The following COL5A1 variants were observed in gnomAD, a reference collection of about 807,000 sequenced individuals.
The protein encoded by COL5A1 is collagen type V alpha 1 chain, also known as collagen alpha-1(V) chain.
A neutral mutation model predicts 263.7 loss-of-function variants in COL5A1; 16 were observed. That is an observed-to-expected ratio of 0.06 (90% CI 0.04 to 0.09). The LOEUF (loss-of-function observed/expected upper bound fraction) is 0.09, where lower values mean the gene tolerates loss of function less well. Among genes scored for constraint, COL5A1 ranks in the 10% least tolerant of loss-of-function variants. The pLI is 1.00. For missense variants in COL5A1, 2,036 were observed against 2,540.5 expected (o/e 0.80, Z 4.27); for synonymous variants, 1,012 against 1,004.5 (o/e 1.01, Z -0.14).
intron 64 of COL5A1, among the ~76,000 whole-genome samples, chr9:134,832,047 T>C (rs748112207): frequency 2.0e-5 from 3 of 151,970 alleles, no homozygotes; most frequent in Non-Finnish European, 4.4e-5. Context: ...GGCAGATTGC[T>C]TGAGCCCAGG....
rs964097425 is a variant in COL5A1, at chr9:134,844,324, T to C, written c.*2021T>C. 6.6e-6 allele frequency: 1 copy of C among 152,628 alleles called. No individual in the cohort carries two copies. The highest frequency in any genetic ancestry group is 1.9e-4 in the East Asian group (1 of 5,194). The allele number at this position is 152,628 out of a possible 1,614,324, so 9.5% of individuals were successfully genotyped here. A position where few individuals can be genotyped will look rare whatever the true frequency, so the allele number is the denominator to read the frequency against. ...CTTCATCTCTTCAAAAGAAAAGCCA[T>C]AGCCGAGGACTGTCCCGCGACCCCC... On this transcript the variant is annotated 3_prime_UTR_variant, in exon 66 of 66. Transcript: ENST00000371817.
In COL5A1 at chr9:134,825,285, C is replaced by T. The variant is rs1020275908; in HGVS notation, c.4954+430C>T. Among the ~76,000 whole-genome samples the T allele has an allele frequency of 3.1e-4, 47 of 152,216 alleles. 1 individual carries two copies. The highest frequency in any genetic ancestry group is 4.6e-4 in the African/African-American group (19 of 41,470). ...GCAGCAGACGCTGTGCTTGGGCAAACGGCCTTCAAACTCCGCGATACTGTA... is the reference window on the plus strand; with the variant it reads ...GCAGCAGACGCTGTGCTTGGGCAAATGGCCTTCAAACTCCGCGATACTGTA... On this transcript the variant is annotated intron_variant, in intron 62 of 65. Coordinates refer to ENST00000371817, the MANE Select transcript of COL5A1 (RefSeq NM_000093.5).
intron 4 of COL5A1, among the ~76,000 whole-genome samples, chr9:134,721,302 A>G (rs1834445149): frequency 9.5e-6 from 1 of 105,754 alleles, no homozygotes; most frequent in Admixed American, 1.2e-4. Flanking sequence ...AGGCTCCCCC[A>G]TAGTACCCCA....
intron 4 of COL5A1, among the ~76,000 whole-genome samples, chr9:134,703,109 G>A (rs964409607): frequency 9.2e-5 from 14 of 152,250 alleles, no homozygotes; most frequent in African/African-American, 3.1e-4. Flanking sequence ...GGGAGTAGGT[G>A]TGAAGGTGGT....
At chr9:134,762,601 C>T (rs1032924669) in intron 19 of COL5A1, among the ~76,000 whole-genome samples, 1 of 152,122 alleles carries the variant, frequency 6.6e-6, no homozygotes, top group Non-Finnish European at 1.5e-5. Flanking sequence ...ATGGGATGCA[C>T]GAGGCTGTGG....
intron 1 of COL5A1, 32 bp from the exon 2 acceptor site, chr9:134,690,880 T>A: frequency 6.2e-7 from 1 of 1,613,044 alleles, no homozygotes; most frequent in Non-Finnish European, 8.5e-7. Context: ...TTCCTCTCCG[T>A]GGCTAACTCT....
At chr9:134,806,149 G>T (rs2132830270) in intron 41 of COL5A1, 40 bp from the exon 42 acceptor site, 1 of 1,447,336 alleles carries the variant, frequency 6.9e-7, no homozygotes, top group African/African-American at 1.4e-5. Flanking sequence ...CACGCAGTCT[G>T]AGAGCCTTTG....
chr9:134,839,904 C>T (rs573768071), intron 65 of COL5A1, among the ~76,000 whole-genome samples: 31 of 152,368 alleles, frequency 2.0e-4, no homozygotes, highest in Admixed American at 1.3e-3. Context: ...CACCCCCAGG[C>T]GGGCTTGTGG....
At chr9:134,774,941 G>A (rs370353982) in intron 27 of COL5A1, 29 bp downstream of exon 27, 1,264 of 1,607,102 alleles carry the variant, frequency 7.9e-4, no homozygotes, top group Non-Finnish European at 9.7e-4. Flanking sequence ...ACTCCAGGTC[G>A]TCCTGGAGGT....
At chr9:134,763,885 A>G (rs995522655) in intron 20 of COL5A1, 148 bp downstream of exon 20, 64 of 797,728 alleles carry the variant, frequency 8.0e-5, no homozygotes, top group Non-Finnish European at 1.2e-4. Flanking sequence ...GGCATCTCCC[A>G]GGGAAGCCAA....
chr9:134,811,674 C>G, intron 46 of COL5A1, 75 bp downstream of exon 46: 2 of 1,267,512 alleles, frequency 1.6e-6, no homozygotes, highest in African/African-American at 3.0e-5. Flanking sequence ...GCTCTCTCCT[C>G]TTGTCTTTTT....
chr9:134,771,890 A>T (rs755427723), intron 25 of COL5A1, among the ~76,000 whole-genome samples: 16 of 152,198 alleles, frequency 1.1e-4, no homozygotes, highest in Admixed American at 3.3e-4. Context: ...GTGAACATTG[A>T]TGATCTTTCT....
chr9:134,811,335 G>T lies in COL5A1; in HGVS notation c.3529-4G>T, dbSNP rs779064113. 1.2e-6 allele frequency: 2 copies of T among 1,613,654 alleles called. No individual in the cohort carries two copies. The highest frequency in any genetic ancestry group is 2.7e-5 in the African/African-American group (2 of 74,852). On this transcript the variant is annotated splice_region_variant and splice_polypyrimidine_tract_variant and intron_variant, in intron 44 of 65. Transcript: ENST00000371817. ...TACCTATGTCTCTGTCTTGTTCCCC[G>T]CAGGGTCCTCCTGGGCCTACAGGTC...
chr9:134,799,856 T>C (rs1838044814), intron 37 of COL5A1, among the ~76,000 whole-genome samples: 1 of 152,246 alleles, frequency 6.6e-6, no homozygotes, highest in South Asian at 2.1e-4. Flanking sequence ...TATGTGCTTT[T>C]CTCCCTCTGA....
At position 134,696,522 on chromosome 9, in the gene COL5A1, A is replaced by T. The variant is rs570422807; in HGVS notation, c.278-3387A>T. ...GTTTGGTTTGATGATTTCTGTTTGT[A>T]TCGTGGGAGTATCACTTTCTGAGGT... On this transcript the variant is annotated intron_variant, in intron 2 of 65. Coordinates refer to ENST00000371817, the MANE Select transcript of COL5A1 (RefSeq NM_000093.5). This position sits in a 1 kb window ranked among gnomAD's most constrained non-coding sequence, Gnocchi z 4.3. Among the ~76,000 whole-genome samples the T allele has an allele frequency of 1.2e-3, 186 of 152,226 alleles. No homozygotes were observed. The highest frequency in any genetic ancestry group is 2.1e-3 in the Non-Finnish European group (146 of 68,016).
Position 134,824,015 on chromosome 9 carries a change from ATGTG to A in COL5A1, c.4698+558_4698+561del, listed in dbSNP as rs5901055. Among the ~76,000 whole-genome samples, 651 of 148,876 alleles carry A rather than the reference ATGTG, an allele frequency of 4.4e-3. 4 individuals are homozygous for A. The highest frequency in any genetic ancestry group is 0.016 in the African/African-American group (606 of 38,690). On this transcript the variant is annotated intron_variant, in intron 61 of 65. Transcript: ENST00000371817. ...ACATGCATGTCTGGGATATATGTGC[ATGTG>A]TGTGTGTGTGTTGGGATGGGGGAGC...
chr9:134,647,170 C>T lies in COL5A1; in HGVS notation c.109+4874C>T, dbSNP rs1202735562. Among the ~76,000 whole-genome samples the T allele has an allele frequency of 6.6e-6, 1 of 152,134 alleles. No individual in the cohort carries two copies. The highest frequency in any genetic ancestry group is 1.5e-5 in the Non-Finnish European group (1 of 68,030). On this transcript the variant is annotated intron_variant, in intron 1 of 65. Coordinates refer to ENST00000371817, the MANE Select transcript of COL5A1 (RefSeq NM_000093.5). This position sits in a 1 kb window ranked among gnomAD's most constrained non-coding sequence, Gnocchi z 5.0. ...GAGGTGTGCCTGTGTGGGGCCTGGC[C>T]CTGCTGAGACCCCTGGGGCTCTGCT...
chr9:134,828,402 A>G (rs1839383633), intron 63 of COL5A1, among the ~76,000 whole-genome samples: 1 of 151,896 alleles, frequency 6.6e-6, no homozygotes, highest in Non-Finnish European at 1.5e-5. Context: ...AGCAGCCCTC[A>G]CCCGCACACG....
chr9:134,688,463 G>A (rs1014259450), intron 1 of COL5A1, among the ~76,000 whole-genome samples: 23 of 152,194 alleles, frequency 1.5e-4, no homozygotes, highest in Admixed American at 2.0e-4. Flanking sequence ...AGGGCTGCGC[G>A]GTGCAGCCTC....
Sources: allele counts gnomAD v4.1 joint callset (sites outside exome capture counted in the v4.1 genomes callset), GRCh38; gene constraint gnomAD v4.1.1; non-coding constraint Gnocchi (gnomAD v3.1); transcripts MANE v1.5; gene names NCBI Gene and HGNC (gene_info 2026-07-23, HGNC 2026-07-21).